Variants in TOM1L2 observed in about 807,000 individuals in gnomAD.
TOM1L2 encodes the protein TOM1-like protein 2.
TOM1L2 carries 31 observed loss-of-function variants against 67.9 expected under a neutral mutation model. The observed-to-expected ratio is 0.46, with a 90% CI of 0.34 to 0.62. The LOEUF (loss-of-function observed/expected upper bound fraction) is 0.62, where lower values mean the gene tolerates loss of function less well. Among genes scored for constraint, TOM1L2 ranks in the 20% least tolerant of loss-of-function variants. TOM1L2 has a pLI of 0.01. For synonymous variants in TOM1L2, 256 were observed against 254.0 expected (o/e 1.01, Z -0.07); for missense variants, 606 against 663.5 (o/e 0.91, Z 0.95).
Position 17,900,769 on chromosome 17 carries a change from C to T in TOM1L2, c.138-2095G>A, listed in dbSNP as rs1303035389. Among the ~76,000 whole-genome samples, 7 of 152,178 alleles carry T rather than the reference C, an allele frequency of 4.6e-5. 1 individual carries two copies. The South Asian group carries it at 1.2e-3, about 27-fold the overall frequency. ...CATTTCCAAAAGGGGATGCTGATTT[C>T]TGCAAATATGGGACTTAACCGGCTC... On this transcript the variant is annotated intron_variant, in intron 2 of 14. Coordinates refer to ENST00000379504, the MANE Select transcript of TOM1L2 (RefSeq NM_001082968.2).
chr17:17,923,520 C>CA (rs1051134824), intron 1 of TOM1L2, among the ~76,000 whole-genome samples: 9 of 150,526 alleles, frequency 6.0e-5, no homozygotes, highest in African/African-American at 1.2e-4. Context: ...CCTGTCTCTA[C>CA]AAAAAAAAAT....
At chr17:17,851,216 C>A (rs955322014) in intron 12 of TOM1L2, 3 of 501,136 alleles carry the variant, frequency 6.0e-6, no homozygotes, top group Non-Finnish European at 1.1e-5. Context: ...TGTACGCGTT[C>A]TTGAAATGGA....
intron 4 of TOM1L2, among the ~76,000 whole-genome samples, chr17:17,887,705 G>A (rs754447428): frequency 6.6e-6 from 1 of 152,062 alleles, no homozygotes; most frequent in Non-Finnish European, 1.5e-5. Context: ...TGAACTCCTG[G>A]ACTCAAGGGA....
chr17:17,934,618 TA>T (rs1222479691), intron 1 of TOM1L2, among the ~76,000 whole-genome samples: 2 of 152,250 alleles, frequency 1.3e-5, no homozygotes, highest in African/African-American at 4.8e-5. Flanking sequence ...ATTTTTCTCC[TA>T]AAAATACATA....
chr17:17,893,924 CT>C, intron 3 of TOM1L2, 114 bp from the exon 4 acceptor site: 2 of 1,074,758 alleles, frequency 1.9e-6, no homozygotes, highest in Non-Finnish European at 2.7e-6. Context: ...CCTAGATCAG[CT>C]TTCTGACACG....
At chr17:17,903,171 T>C (rs1251308733) in intron 2 of TOM1L2, among the ~76,000 whole-genome samples, 2 of 152,130 alleles carry the variant, frequency 1.3e-5, no homozygotes, top group Non-Finnish European at 2.9e-5. Context: ...TCTCTCTCTC[T>C]CCCTGCCCCC....
intron 12 of TOM1L2, chr17:17,858,102 C>T (rs2036343886): frequency 5.5e-6 from 2 of 365,332 alleles, no homozygotes; most frequent in African/African-American, 2.1e-5. Context: ...GGAAAATCTC[C>T]AGGAGATCAC....
In TOM1L2 at chr17:17,866,901, C is replaced by T. The variant is rs748001425; in HGVS notation, c.935G>A (p.Arg312Gln). The change falls in exon 9 of 15, where the codon CGA becomes CAA. Residue 312 changes from arginine to glutamine, a missense_variant. Coordinates refer to ENST00000379504, the MANE Select transcript of TOM1L2 (RefSeq NM_001082968.2). Reference protein sequence around the residue: ...YERFERYRSGRSVQNASNGVL... With the variant: ...YERFERYRSGQSVQNASNGVL... ...TCCATTACTGGCATTTTGAACGGATCGGCCAGACCTGTATCGTTCGAACCT... is the reference window on the plus strand; with the variant it reads ...TCCATTACTGGCATTTTGAACGGATTGGCCAGACCTGTATCGTTCGAACCT... 13 of 1,613,988 alleles carry T rather than the reference C, an allele frequency of 8.1e-6. No homozygotes were observed. The highest frequency in any genetic ancestry group is 2.7e-5 in the African/African-American group (2 of 75,006).
At chr17:17,927,663 CT>C (rs1191502051) in intron 1 of TOM1L2, among the ~76,000 whole-genome samples, 6,702 of 139,236 alleles carry the variant, frequency 0.048, 384 homozygotes, top group African/African-American at 0.15. Context: ...GTTGGCTATA[CT>C]TTTTTTTTTT....
chr17:17,916,146 T>TCA (rs2039620646), intron 1 of TOM1L2, among the ~76,000 whole-genome samples: 1 of 151,150 alleles, frequency 6.6e-6, no homozygotes, highest in Non-Finnish European at 1.5e-5. Context: ...CGATCTCAGC[T>TCA]CACTGCAAGC....
At chr17:17,924,083 G>A (rs1323462420) in intron 1 of TOM1L2, among the ~76,000 whole-genome samples, 7 of 152,118 alleles carry the variant, frequency 4.6e-5, no homozygotes, top group African/African-American at 1.7e-4. Context: ...GTTGCAGTGA[G>A]CCGAGATCGC....
chr17:17,927,935 A>C lies in TOM1L2; in HGVS notation c.53-20404T>G, dbSNP rs527414515. Among the ~76,000 whole-genome samples, 544 of 152,270 alleles carry C rather than the reference A, an allele frequency of 3.6e-3. 3 individuals carry two copies. The highest frequency in any genetic ancestry group is 0.017 in the Middle Eastern group (5 of 294). On this transcript the variant is annotated intron_variant, in intron 1 of 14. Coordinates refer to ENST00000379504, the MANE Select transcript of TOM1L2 (RefSeq NM_001082968.2). ...ACCACACCCAGTCAGCTATACTTTT[A>C]AAAAGATTCCTTATCTTTTAGAAAT...
At chr17:17,913,269 G>A (rs2039485712) in intron 1 of TOM1L2, among the ~76,000 whole-genome samples, 1 of 149,218 alleles carries the variant, frequency 6.7e-6, no homozygotes. Flanking sequence ...GGGAGAGGGA[G>A]AGGGAGAGGG....
chr17:17,897,443 A>C (rs1425714468), intron 3 of TOM1L2, among the ~76,000 whole-genome samples: 1 of 152,214 alleles, frequency 6.6e-6, no homozygotes, highest in Non-Finnish European at 1.5e-5. Flanking sequence ...GTTTTGGATA[A>C]ATAACCTACT....
At chr17:17,924,181 AT>A (rs1401541400) in intron 1 of TOM1L2, among the ~76,000 whole-genome samples, 9 of 152,142 alleles carry the variant, frequency 5.9e-5, no homozygotes, top group African/African-American at 1.7e-4. Context: ...ATATTGTATG[AT>A]TCCATTTATA....
chr17:17,894,537 T>C (rs137956304), intron 3 of TOM1L2, among the ~76,000 whole-genome samples: 24 of 152,362 alleles, frequency 1.6e-4, no homozygotes, highest in Middle Eastern at 3.4e-3. Flanking sequence ...TCTCCCTGAA[T>C]GGCCCAGGAC....
chr17:17,957,478 G>A (rs1402699453), intron 1 of TOM1L2, among the ~76,000 whole-genome samples: 1 of 152,106 alleles, frequency 6.6e-6, no homozygotes, highest in African/African-American at 2.4e-5. Context: ...AGCTTTCTGG[G>A]GTGAGGTTGA....
In TOM1L2 at chr17:17,972,235, A is replaced by C. The variant is rs1013147922; in HGVS notation, c.52+27T>G. 9.7e-6 allele frequency: 15 copies of C among 1,548,684 alleles called. 1 individual carries two copies. The highest frequency in any genetic ancestry group is 1.2e-5 in the Non-Finnish European group (14 of 1,146,776). On this transcript the variant is annotated intron_variant, in intron 1 of 14. Coordinates refer to ENST00000379504, the MANE Select transcript of TOM1L2 (RefSeq NM_001082968.2). ...GCCGGATCAGCGGCCGCCGTTGCCCAGCCTCCTGCCCCACACGCGGCCTTA... is the reference window on the plus strand; with the variant it reads ...GCCGGATCAGCGGCCGCCGTTGCCCCGCCTCCTGCCCCACACGCGGCCTTA...
chr17:17,903,990 GATT>G (rs58881326), intron 2 of TOM1L2, among the ~76,000 whole-genome samples: 19 of 151,468 alleles, frequency 1.3e-4, no homozygotes, highest in South Asian at 6.3e-4. Flanking sequence ...CTCAGGAAGA[GATT>G]ATTATTATTA....
Sources: gnomAD v4.1 joint callset for allele counts (sites outside exome capture counted in the v4.1 genomes callset) on GRCh38, gnomAD v4.1.1 for gene constraint, MANE v1.5 for transcripts, NCBI Gene and HGNC (gene_info 2026-07-23, HGNC 2026-07-21) for gene names.